ROBO2: variants seen among roughly 807,000 people sequenced by gnomAD.
ROBO2 encodes the protein roundabout guidance receptor 2, also known as roundabout homolog 2.
In ROBO2, 53 loss-of-function variants were observed where a neutral mutation model predicts 160.8. The observed-to-expected ratio is 0.33, with a 90% confidence interval of 0.26 to 0.41. The LOEUF is 0.41. Ranked by LOEUF, ROBO2 falls within the 10% of genes least tolerant of loss-of-function variation. ROBO2 has a pLI of 1.00. For synonymous variants in ROBO2, 664 were observed against 611.7 expected, an observed-to-expected ratio of 1.09 and a Z score of -1.26; for missense variants, 1,577 against 1,722.4, an observed-to-expected ratio of 0.92 and a Z score of 1.49.
At position 75,971,635 on chromosome 3, in the gene ROBO2, C is replaced by A. The variant is rs140681983; in HGVS notation, c.109+34033C>A. Among the ~76,000 whole-genome samples, 811 of 151,498 alleles carry A rather than the reference C, an allele frequency of 5.4e-3. 5 individuals carry two copies. Among genetic ancestry groups the A allele is most frequent in the Non-Finnish European group, 9.0e-3 (608 of 67,630 alleles). ...TATTAAAAATTCATTTAAAAATTAG[C>A]TATTTTTTGAAGTACAAATTCTAAT... On this transcript the variant is annotated intron_variant, in intron 2 of 26. Transcript: ENST00000487694.
At chr3:76,630,384 T>C (rs984798765) in intron 2 of ROBO2, among the ~76,000 whole-genome samples, 3 of 152,228 alleles carry the variant, frequency 2.0e-5, no homozygotes, top group African/African-American at 7.2e-5. Flanking sequence ...TAAATAATTG[T>C]GCCACTTGTA....
At chr3:76,921,233 G>A (rs192884045) in intron 2 of ROBO2, among the ~76,000 whole-genome samples, 140 of 152,076 alleles carry the variant, frequency 9.2e-4, no homozygotes, top group Non-Finnish European at 1.8e-3. Context: ...ATATATATTC[G>A]TCCCATCAGT....
At chr3:76,357,159 G>GT (rs1168821927) in intron 2 of ROBO2, among the ~76,000 whole-genome samples, 6 of 151,804 alleles carry the variant, frequency 4.0e-5, no homozygotes, top group African/African-American at 1.5e-4. Flanking sequence ...CTACACAGCT[G>GT]TTTAAAAAAA....
At chr3:76,273,124 T>C (rs201720513) in intron 2 of ROBO2, among the ~76,000 whole-genome samples, 32,458 of 69,856 alleles carry the variant, frequency 0.46, 5,679 homozygotes, top group Non-Finnish European at 0.59. Flanking sequence ...CATATAAATA[T>C]ATATATATAT....
chr3:77,641,783 CTG>C (rs1418417278), intron 24 of ROBO2, among the ~76,000 whole-genome samples: 2 of 151,994 alleles, frequency 1.3e-5, no homozygotes, highest in Non-Finnish European at 2.9e-5. Context: ...AAAGAAAGAA[CTG>C]TGATTTCACA....
At chr3:76,111,440 C>T (rs1443889448) in intron 2 of ROBO2, among the ~76,000 whole-genome samples, 3 of 151,992 alleles carry the variant, frequency 2.0e-5, no homozygotes, top group Non-Finnish European at 2.9e-5. Flanking sequence ...CATATTAAGC[C>T]ACCTGGATGT....
rs1576040003 is a variant in ROBO2, at chr3:76,238,928, C to T, written c.109+301326C>T. ...TTGTAGAAGAGTGAAAAAATAAAGGCAGAGAGACCAATGAGAAGCCTTTTG... is the reference window on the plus strand; with the variant it reads ...TTGTAGAAGAGTGAAAAAATAAAGGTAGAGAGACCAATGAGAAGCCTTTTG... On this transcript the variant is annotated intron_variant, in intron 2 of 26. Coordinates refer to the ROBO2 transcript ENST00000487694. Among the ~76,000 whole-genome samples, 6 of 152,310 alleles carry T rather than the reference C, an allele frequency of 3.9e-5. No homozygotes were observed. In the South Asian group the frequency reaches 1.0e-3, roughly 26 times the overall value.
intron 2 of ROBO2, among the ~76,000 whole-genome samples, chr3:77,020,335 A>C (rs573822390): frequency 4.6e-4 from 70 of 152,248 alleles, no homozygotes; most frequent in Non-Finnish European, 8.4e-4. Flanking sequence ...ATTGGAAAAT[A>C]GAAGTCCTTA....
chr3:76,910,943 T>A (rs1325084808), intron 2 of ROBO2, among the ~76,000 whole-genome samples: 1 of 152,096 alleles, frequency 6.6e-6, no homozygotes, highest in Non-Finnish European at 1.5e-5. Context: ...TTAAGTACTC[T>A]ACTTAAATAC....
At chr3:76,951,949 T>C (rs933410269) in intron 2 of ROBO2, among the ~76,000 whole-genome samples, 32 of 152,230 alleles carry the variant, frequency 2.1e-4, no homozygotes, top group African/African-American at 7.5e-4. Context: ...GGGAGAGCCC[T>C]TCCCCAGCTT....
intron 2 of ROBO2, among the ~76,000 whole-genome samples, chr3:76,739,767 TA>T (rs778126805): frequency 2.6e-5 from 4 of 151,850 alleles, no homozygotes; most frequent in Admixed American, 2.0e-4. Context: ...GAATTTACTG[TA>T]AAAAAAAGGA....
At chr3:76,511,382 C>T (rs1020505161) in intron 2 of ROBO2, among the ~76,000 whole-genome samples, 2 of 152,108 alleles carry the variant, frequency 1.3e-5, no homozygotes, top group South Asian at 4.1e-4. Context: ...TTGTGCTCAC[C>T]GCAGCGACTG....
chr3:76,954,236 G>T (rs2079115973), intron 2 of ROBO2, among the ~76,000 whole-genome samples: 1 of 152,088 alleles, frequency 6.6e-6, no homozygotes, highest in South Asian at 2.1e-4. Flanking sequence ...CTACAGAAAA[G>T]GACATATTTA....
intron 2 of ROBO2, among the ~76,000 whole-genome samples, chr3:76,790,771 C>G (rs1028541097): frequency 1.3e-5 from 2 of 151,718 alleles, no homozygotes; most frequent in African/African-American, 4.8e-5. Flanking sequence ...TAAATTGGAG[C>G]TATTTCTTAC....
At chr3:77,585,365 T>G (rs2153681193) in intron 16 of ROBO2, among the ~76,000 whole-genome samples, 1 of 151,816 alleles carries the variant, frequency 6.6e-6, no homozygotes, top group South Asian at 2.1e-4. Flanking sequence ...CTTAAAATAA[T>G]AAAGTTAATG....
Position 76,997,021 on chromosome 3 carries a change from G to A in ROBO2, c.110-100993G>A, listed in dbSNP as rs183536742. Among the ~76,000 whole-genome samples, 318 of 152,182 alleles carry A rather than the reference G, an allele frequency of 2.1e-3. 1 individual carries two copies. Among genetic ancestry groups the A allele is most frequent in the African/African-American group, 7.3e-3 (305 of 41,530 alleles). On this transcript the variant is annotated intron_variant, in intron 2 of 26. Transcript: ENST00000487694. The stretch of plus-strand genomic sequence containing the variant: ...AGAAGTATTAAGACATAATTAGTGT[G>A]TGCTAGATATTTAATTTGTATCCCT...
intron 2 of ROBO2, among the ~76,000 whole-genome samples, chr3:76,049,007 A>T (rs182201302): frequency 6.6e-6 from 1 of 152,242 alleles, no homozygotes; most frequent in African/African-American, 2.4e-5. Context: ...GGCACATATG[A>T]TGGTACAACT....
chr3:75,938,894 T>C (rs1448992566), intron 2 of ROBO2, among the ~76,000 whole-genome samples: 1 of 152,166 alleles, frequency 6.6e-6, no homozygotes, highest in African/African-American at 2.4e-5. Flanking sequence ...CTCATTTTTC[T>C]TTTTTGTGAT....
intron 2 of ROBO2, among the ~76,000 whole-genome samples, chr3:76,714,609 TTAGA>T (rs917187047): frequency 7.2e-5 from 11 of 152,278 alleles, no homozygotes; most frequent in Middle Eastern, 3.4e-3. Context: ...CATGACAGTG[TTAGA>T]TAGTGACTAG....
Sources: gnomAD v4.1 joint callset for allele counts (sites outside exome capture counted in the v4.1 genomes callset) on GRCh38, gnomAD v4.1.1 for gene constraint, MANE v1.5 for transcripts, NCBI Gene and HGNC (gene_info 2026-07-23, HGNC 2026-07-21) for gene names.